RSF1: variants seen among roughly 807,000 people sequenced by gnomAD.
RSF1 encodes the protein remodeling and spacing factor 1.
In RSF1, 13 loss-of-function variants were observed where a neutral mutation model predicts 145.2. The ratio of observed to expected loss-of-function variants is 0.09; its 90% CI spans 0.06 to 0.14. The LOEUF (loss-of-function observed/expected upper bound fraction) is 0.14, where lower values mean the gene tolerates loss of function less well. Ranked by LOEUF, RSF1 falls within the 10% of genes least tolerant of loss-of-function variation. The pLI, the probability that RSF1 is intolerant of heterozygous loss-of-function variation, is 1.00. For missense variants in RSF1, 1,517 were observed against 1,718.2 expected, an observed-to-expected ratio of 0.88 and a Z score of 2.07; for synonymous variants, 577 against 592.6, an observed-to-expected ratio of 0.97 and a Z score of 0.38.
the RSF1 span, among the ~76,000 whole-genome samples, chr11:77,844,966 T>C: frequency 6.6e-6 from 1 of 152,210 alleles, no homozygotes; most frequent in Non-Finnish European, 1.5e-5. Context: ...TTTCTAATGA[T>C]AAATCAACCA....
At chr11:77,736,066 C>CTAAAAAGATTACTGCCTCTT (rs1456072073) in intron 4 of RSF1, among the ~76,000 whole-genome samples, 7 of 152,158 alleles carry the variant, frequency 4.6e-5, no homozygotes, top group African/African-American at 1.7e-4. Context: ...AAATCTCTTG[C>CTAAAAAGATTACTGCCTCTT]TAAAAAGATT....
At chr11:77,695,582 A>AT (rs879935684) in intron 7 of RSF1, among the ~76,000 whole-genome samples, 68 of 148,596 alleles carry the variant, frequency 4.6e-4, no homozygotes, top group Non-Finnish European at 6.3e-4. Flanking sequence ...ACTTGCCTGC[A>AT]TTTTTTTTTT....
chr11:77,803,109 A>C (rs1194826146), intron 1 of RSF1, among the ~76,000 whole-genome samples: 1 of 152,130 alleles, frequency 6.6e-6, no homozygotes, highest in Non-Finnish European at 1.5e-5. Flanking sequence ...TATGCCACGT[A>C]GTTTCAGCCC....
intron 1 of RSF1, among the ~76,000 whole-genome samples, chr11:77,779,027 A>G (rs933072007): frequency 4.2e-4 from 63 of 150,734 alleles, no homozygotes; most frequent in African/African-American, 1.5e-3. Flanking sequence ...TCACTGCAGC[A>G]TCCACCTCCC....
At chr11:77,698,753 CT>C (rs2135850096) in intron 6 of RSF1, 60 bp from the exon 7 acceptor site, 1 of 1,367,612 alleles carries the variant, frequency 7.3e-7, no homozygotes, top group African/African-American at 1.4e-5. Context: ...TAAAAATCTC[CT>C]GATTACATGT....
At chr11:77,733,790 G>A (rs1354854782) in intron 4 of RSF1, among the ~76,000 whole-genome samples, 1 of 152,110 alleles carries the variant, frequency 6.6e-6, no homozygotes, top group African/African-American at 2.4e-5. Flanking sequence ...TCCAACTGCT[G>A]GGTTCAAGCA....
At chr11:77,714,842 T>A (rs374893454) in intron 5 of RSF1, among the ~76,000 whole-genome samples, 328 of 144,106 alleles carry the variant, frequency 2.3e-3, no homozygotes, top group African/African-American at 7.4e-3. Flanking sequence ...ACCTTGTCTT[T>A]AAAAAAAAAA....
At chr11:77,803,640 A>T (rs995380116) in intron 1 of RSF1, among the ~76,000 whole-genome samples, 3 of 151,680 alleles carry the variant, frequency 2.0e-5, no homozygotes, top group Non-Finnish European at 4.4e-5. Context: ...TTAGCCGGGC[A>T]TGGTGGTGCG....
chr11:77,840,886 T>G, the RSF1 span: 9 of 291,758 alleles, frequency 3.1e-5, no homozygotes, highest in Admixed American at 2.2e-4. Context: ...TATTTGTGTG[T>G]GGGGGTTTAG....
At chr11:77,687,180 C>A (rs1029189754) in intron 9 of RSF1, among the ~76,000 whole-genome samples, 1 of 152,036 alleles carries the variant, frequency 6.6e-6, no homozygotes, top group Admixed American at 6.6e-5. Flanking sequence ...TATACATGCA[C>A]ACACACACAT....
chr11:77,781,116 A>C (rs1274309518), intron 1 of RSF1, among the ~76,000 whole-genome samples: 1 of 147,728 alleles, frequency 6.8e-6, no homozygotes, highest in Non-Finnish European at 1.5e-5. Flanking sequence ...TTTTTTTTTG[A>C]GAGAGAGAGA....
chr11:77,698,114 GGAACTACTGGCA>G (rs1960327785), intron 7 of RSF1, among the ~76,000 whole-genome samples: 1 of 152,094 alleles, frequency 6.6e-6, no homozygotes, highest in African/African-American at 2.4e-5. Context: ...CTGAGTAGCT[GGAACTACTGGCA>G]TGTGGCCACC....
rs1034856054 is a variant in RSF1, at chr11:77,812,904, A to T, written c.187+7624T>A. Among the ~76,000 whole-genome samples, 3 of 142,962 alleles carry T rather than the reference A, an allele frequency of 2.1e-5. No individual in the cohort carries two copies. In the Admixed American group the frequency reaches 2.1e-4, roughly 10 times the overall value. 93.8% of individuals were successfully genotyped at this position (142,962 alleles called of 152,430 possible). On this transcript the variant is annotated intron_variant, in intron 1 of 15. Transcript: ENST00000308488. Reference sequence around the variant, plus strand: ...CATCTCAAAAAAAAAAAAAAAAAAAAATCAGTCTGGTGTAGTTTCTGCTTG... The same window carrying T: ...CATCTCAAAAAAAAAAAAAAAAAAATATCAGTCTGGTGTAGTTTCTGCTTG...
intron 9 of RSF1, among the ~76,000 whole-genome samples, chr11:77,686,816 T>C (rs570604873): frequency 3.3e-5 from 5 of 152,280 alleles, no homozygotes; most frequent in African/African-American, 1.2e-4. Context: ...TCCACAAGAC[T>C]GTAGAGACCT....
rs950115637 is a variant in RSF1 at position 77,698,401 on chromosome 11, T to C, written c.2715+86A>G. 13 of 1,056,086 alleles carry C rather than the reference T, an allele frequency of 1.2e-5. No individual in the cohort carries two copies. The African/African-American group carries it at 1.8e-4, about 14-fold the overall frequency. The allele number at this position is 1,056,086 out of a possible 1,614,324, so 65.4% of individuals were successfully genotyped here. ...AGTTATCATTAAGAAATTCAAATAA[T>C]GATAAAACCCAGAAGAGTTAGGCTG... is the stretch of plus-strand genomic sequence containing the variant. On this transcript the variant is annotated intron_variant, in intron 7 of 15. Transcript: ENST00000308488.
At chr11:77,785,215 G>A (rs2135960496) in intron 1 of RSF1, among the ~76,000 whole-genome samples, 1 of 152,276 alleles carries the variant, frequency 6.6e-6, no homozygotes, top group African/African-American at 2.4e-5. Flanking sequence ...CATGTATCTT[G>A]ATCCAGTTTA....
chr11:77,813,434 T>A (rs1948749627), intron 1 of RSF1: 2 of 1,209,646 alleles, frequency 1.7e-6, no homozygotes, highest in Non-Finnish European at 2.4e-6. Context: ...TGGATTCTCA[T>A]CTGGAAAGGA....
At chr11:77,848,185 G>A in the RSF1 span, among the ~76,000 whole-genome samples, 1 of 152,178 alleles carries the variant, frequency 6.6e-6, no homozygotes, top group African/African-American at 2.4e-5. Context: ...AGATACTTAT[G>A]TGGGACAGTG....
At chr11:77,693,141 C>T (rs1960198741) in intron 8 of RSF1, among the ~76,000 whole-genome samples, 1 of 152,092 alleles carries the variant, frequency 6.6e-6, no homozygotes, top group Admixed American at 6.5e-5. Flanking sequence ...ACACCATCTA[C>T]AAAACTACTG....
Sources: gnomAD v4.1 joint callset for allele counts (sites outside exome capture counted in the v4.1 genomes callset) on GRCh38, gnomAD v4.1.1 for gene constraint, MANE v1.5 for transcripts, NCBI Gene and HGNC (gene_info 2026-07-23, HGNC 2026-07-21) for gene names.